Variants in VIPAS39 observed in about 807,000 individuals in gnomAD.
VIPAS39 encodes spermatogenesis-defective protein 39 homolog.
Under a neutral mutation model 84.7 loss-of-function variants are expected in VIPAS39, and 63 were observed. The ratio of observed to expected loss-of-function variants is 0.74; its 90% CI spans 0.61 to 0.92. The LOEUF (loss-of-function observed/expected upper bound fraction) is 0.92, where lower values mean the gene tolerates loss of function less well. VIPAS39 is among the 40% of genes least tolerant of loss of function. The pLI, the probability that VIPAS39 is intolerant of heterozygous loss-of-function variation, is 0.00. For synonymous variants in VIPAS39, 192 were observed against 216.5 expected (o/e 0.89, Z 0.99); for missense variants, 499 against 604.5 (o/e 0.83, Z 1.83).
chr14:77,434,815 C>T (rs2078580980), intron 14 of VIPAS39, among the ~76,000 whole-genome samples: 2 of 151,708 alleles, frequency 1.3e-5, no homozygotes. Flanking sequence ...AGGAGAATTG[C>T]TTGAACCCAG....
intron 15 of VIPAS39, 111 bp from the exon 16 acceptor site, chr14:77,434,042 C>A: frequency 7.4e-7 from 1 of 1,357,284 alleles, no homozygotes; most frequent in South Asian, 1.2e-5. Flanking sequence ...TTGACTCTGC[C>A]CCTTAAAAAT....
intron 16 of VIPAS39, among the ~76,000 whole-genome samples, chr14:77,430,445 G>A (rs535233807): frequency 6.8e-4 from 104 of 152,220 alleles, no homozygotes; most frequent in African/African-American, 2.2e-3. Flanking sequence ...GGCCAGGTGC[G>A]GTGGCTCATG....
chr14:77,434,077 T>G, intron 15 of VIPAS39, 146 bp from the exon 16 acceptor site: 1 of 1,190,098 alleles, frequency 8.4e-7, no homozygotes, highest in South Asian at 1.3e-5. Context: ...GTTCAAGAAC[T>G]TCTTAATTCC....
chr14:77,455,957 C>G (rs2078954214), intron 1 of VIPAS39, among the ~76,000 whole-genome samples: 2 of 152,320 alleles, frequency 1.3e-5, no homozygotes, highest in African/African-American at 4.8e-5. Flanking sequence ...ACATTGTAGT[C>G]AGGCAACCTT....
chr14:77,454,378 T>C (rs1039156285), intron 1 of VIPAS39, among the ~76,000 whole-genome samples: 1 of 152,126 alleles, frequency 6.6e-6, no homozygotes, highest in East Asian at 1.9e-4. Flanking sequence ...GTAAGGTATA[T>C]AAAAAAGTGC....
At chr14:77,436,477 CTG>C (rs1566726340) in intron 12 of VIPAS39, among the ~76,000 whole-genome samples, 1 of 152,184 alleles carries the variant, frequency 6.6e-6, no homozygotes, top group Non-Finnish European at 1.5e-5. Context: ...TGGAGTTTCT[CTG>C]TGTCACCCAG....
chr14:77,428,379 G>A lies in VIPAS39; in HGVS notation c.1452C>T (p.Leu484=), dbSNP rs756855024. 51 of 1,613,906 alleles carry A rather than the reference G, an allele frequency of 3.2e-5. 1 individual carries two copies. In the South Asian group the frequency reaches 5.5e-4, roughly 17 times the overall value. Residue 484 remains leucine (L), a synonymous_variant, in exon 19 of 20, where the codon CTC becomes CTT. Coordinates refer to ENST00000557658, the MANE Select transcript of VIPAS39 (RefSeq NM_001193315.2). ...SAEEEKIDAL[L]SSSQIRWKN Reference sequence around the variant, plus strand: ...AACTGTAGCTGCTCACCGAGCTGCTGAGAAGAGCATCAATCTTCTCCTCCT... The same window carrying A: ...AACTGTAGCTGCTCACCGAGCTGCTAAGAAGAGCATCAATCTTCTCCTCCT...
At position 77,429,776 on chromosome 14, in the gene VIPAS39, G is replaced by A. The variant is rs1329304021; in HGVS notation, c.1180-9C>T. On this transcript the variant is annotated splice_polypyrimidine_tract_variant and intron_variant, in intron 16 of 19. Transcript: ENST00000557658. ...GTATAGCCCAGCCAGTTCTGAAAGA[G>A]GAAGATGGGGTAGCGGCAGGTAGGC... 1.2e-6 allele frequency: 2 copies of A among 1,613,842 alleles called. No homozygotes were observed. Among genetic ancestry groups the A allele is most frequent in the Admixed American group, 3.3e-5 (2 of 60,036 alleles).
At chr14:77,435,782 A>C (rs774912917) in intron 13 of VIPAS39, 62 bp downstream of exon 13, 241 of 1,558,230 alleles carry the variant, frequency 1.5e-4, no homozygotes, top group Non-Finnish European at 2.1e-4. Flanking sequence ...GAAATCTCCT[A>C]GATGCTGAAC....
At position 77,442,551 on chromosome 14, in the gene VIPAS39, A is replaced by G; in HGVS notation, c.734+9T>C. 1 of 1,606,506 alleles carries G rather than the reference A, an allele frequency of 6.2e-7. No homozygotes were observed. ...ACTAAACTTTATAGACCAGATGATC[A>G]GTTCTTACCTGAAGAGGTCTAAAAG... On this transcript the variant is annotated intron_variant, in intron 10 of 19. Transcript: ENST00000557658.
In VIPAS39 at chr14:77,428,468, G is replaced by A. The variant is rs149168488; in HGVS notation, c.1363C>T (p.Arg455Trp). 4.5e-4 allele frequency: 722 copies of A among 1,613,530 alleles called. No individual in the cohort carries two copies. The highest frequency in any genetic ancestry group is 5.8e-4 in the Non-Finnish European group (690 of 1,179,860). ...KCHDVVIDTYRDLKDRQQLLA... is the reference protein window; with the variant it reads ...KCHDVVIDTYWDLKDRQQLLA... ...AACTGTTGACGATCCTTCAGGTCCC[G>A]GTAGGTCTGTGCATCAAAACAAACA... The change falls in exon 19 of 20, where the codon CGG (arginine) becomes TGG (tryptophan). Residue 455 changes from arginine (R) to tryptophan (W), a missense_variant. Arg to Trp is a moderately radical substitution (Grantham distance 101). Transcript: ENST00000557658.
At chr14:77,457,399 G>C in intron 1 of VIPAS39, 96 bp downstream of exon 1, 1 of 1,535,524 alleles carries the variant, frequency 6.5e-7, no homozygotes. Flanking sequence ...TAGTCATAGG[G>C]TGTAGGGATG....
chr14:77,453,934 G>T (rs2078921512), intron 2 of VIPAS39, 76 bp downstream of exon 2: 2 of 1,422,366 alleles, frequency 1.4e-6, no homozygotes, highest in Non-Finnish European at 2.0e-6. Flanking sequence ...CAAAAGCCTA[G>T]TTACCCAGAA....
chr14:77,447,905 G>C (rs933082859), intron 7 of VIPAS39, among the ~76,000 whole-genome samples: 7 of 150,032 alleles, frequency 4.7e-5, no homozygotes, highest in African/African-American at 1.7e-4. Context: ...CAGGTGATCT[G>C]CCTGCCTTGG....
At chr14:77,433,418 C>T in intron 16 of VIPAS39, among the ~76,000 whole-genome samples, 1 of 152,188 alleles carries the variant, frequency 6.6e-6, no homozygotes, top group Non-Finnish European at 1.5e-5. Flanking sequence ...CCAGGATGGT[C>T]TCAAACTCCT....
Position 77,451,336 on chromosome 14 carries a change from G to A in VIPAS39, c.197-3C>T, listed in dbSNP as rs2078878313. 1.2e-6 allele frequency: 2 copies of A among 1,614,144 alleles called. No homozygotes were observed. The highest frequency in any genetic ancestry group is 1.7e-5 in the Admixed American group (1 of 60,018). On this transcript the variant is annotated splice_region_variant and splice_polypyrimidine_tract_variant and intron_variant, in intron 3 of 19. Transcript: ENST00000557658. Reference sequence around the variant, plus strand: ...CTCTCTGATGGACCATGAGATACCTGTGAGATAGTAAGAACTACATCAGCA... The same window carrying A: ...CTCTCTGATGGACCATGAGATACCTATGAGATAGTAAGAACTACATCAGCA...
Position 77,429,724 on chromosome 14 carries a change from T to A in VIPAS39, c.1223A>T (p.His408Leu), listed in dbSNP as rs781579264. 3.7e-6 allele frequency: 6 copies of A among 1,614,088 alleles called. No individual in the cohort carries two copies. The highest frequency in any genetic ancestry group is 5.1e-6 in the Non-Finnish European group (6 of 1,180,042). The change falls in exon 17 of 20, where the codon CAT becomes CTT. Residue 408 changes from histidine (H) to leucine (L), a missense_variant. His to Leu is a moderately conservative substitution (Grantham distance 99). Coordinates refer to ENST00000557658, the MANE Select transcript of VIPAS39 (RefSeq NM_001193315.2). The stretch of plus-strand genomic sequence containing the variant: ...CTTGTGCAAAATTTCGACAACCCGA[T>A]GGAAGCCAATGGGTGCTCTCTTCTT... ...YTKKRAPIGF[H>L]RVVEILHKNN...
In VIPAS39 at chr14:77,435,317, T is replaced by C. The variant is rs533784940; in HGVS notation, c.989A>G (p.Asn330Ser). 6.2e-7 allele frequency: 1 copy of C among 1,613,622 alleles called. No homozygotes were observed. Among genetic ancestry groups the C allele is most frequent in the South Asian group, 1.1e-5 (1 of 91,048 alleles). ...RKHPRKASIL[N>S]MPLVTTLFYS... ...GAAAAGTGTTGTCACTAGTGGCATG[T>C]TGAGGATGGAGGCTTTGCGGGGGTG... The change falls in exon 14 of 20, where the codon AAC becomes AGC. Residue 330 changes from asparagine (N) to serine (S), a missense_variant. Physicochemically the swap from Asn to Ser is conservative, Grantham distance 46. Coordinates refer to ENST00000557658, the MANE Select transcript of VIPAS39 (RefSeq NM_001193315.2).
chr14:77,454,709 C>T (rs2078935731), intron 1 of VIPAS39, among the ~76,000 whole-genome samples: 1 of 147,080 alleles, frequency 6.8e-6, no homozygotes, highest in Non-Finnish European at 1.5e-5. Flanking sequence ...GACGTGGGGA[C>T]CCTACAACAG....
Sources: allele counts gnomAD v4.1 joint callset (sites outside exome capture counted in the v4.1 genomes callset), GRCh38; gene constraint gnomAD v4.1.1; transcripts MANE v1.5; gene names NCBI Gene and HGNC (gene_info 2026-07-23, HGNC 2026-07-21).